Variants in TBX15 observed in about 807,000 individuals in gnomAD.
The protein encoded by TBX15 is T-box transcription factor TBX15.
A neutral mutation model predicts 53.9 loss-of-function variants in TBX15; 18 were observed. That is an observed-to-expected ratio of 0.33 (90% confidence interval 0.23 to 0.49). TBX15 has a LOEUF of 0.49. TBX15 is among the 20% of genes least tolerant of loss of function. The pLI, the probability that TBX15 is intolerant of heterozygous loss-of-function variation, is 0.98. For synonymous variants in TBX15, 295 were observed against 278.0 expected (o/e 1.06, Z -0.61); for missense variants, 692 against 749.5 (o/e 0.92, Z 0.90).
At chr1:118,892,836 C>G (rs1426017005) in intron 7 of TBX15, among the ~76,000 whole-genome samples, 1 of 152,154 alleles carries the variant, frequency 6.6e-6, no homozygotes, top group Non-Finnish European at 1.5e-5. Flanking sequence ...AATGTTAAAG[C>G]TTCAAGGTCA....
intron 1 of TBX15, among the ~76,000 whole-genome samples, chr1:118,949,958 A>G (rs1656464039): frequency 6.6e-6 from 1 of 152,226 alleles, no homozygotes; most frequent in South Asian, 2.1e-4. Context: ...CCATCATCCA[A>G]TCCAGATTCT....
intron 6 of TBX15, among the ~76,000 whole-genome samples, chr1:118,911,581 C>T (rs1344527873): frequency 6.6e-6 from 1 of 152,146 alleles, no homozygotes; most frequent in African/African-American, 2.4e-5. Context: ...CTTCAAGATG[C>T]AACAGTCTAA....
chr1:118,908,731 G>A (rs1033571345), intron 6 of TBX15, among the ~76,000 whole-genome samples: 4 of 151,350 alleles, frequency 2.6e-5, no homozygotes, highest in African/African-American at 9.7e-5. Context: ...GAACACACAC[G>A]TACACCTACT....
intron 6 of TBX15, chr1:118,901,268 GA>G (rs1654621098): frequency 2.3e-6 from 1 of 443,794 alleles, no homozygotes; most frequent in Non-Finnish European, 4.5e-6. Flanking sequence ...CATACATGGT[GA>G]AAGATGGAAG....
chr1:118,974,404 C>T (rs1355079409), intron 1 of TBX15, among the ~76,000 whole-genome samples: 1 of 152,132 alleles, frequency 6.6e-6, no homozygotes, highest in African/African-American at 2.4e-5. Context: ...ACAGACTGTA[C>T]AACTAAACAG....
At chr1:118,940,176 G>T (rs760852738) in intron 1 of TBX15, among the ~76,000 whole-genome samples, 4 of 151,780 alleles carry the variant, frequency 2.6e-5, no homozygotes, top group Non-Finnish European at 4.4e-5. Flanking sequence ...TAAAACTGTC[G>T]GTTTTTTGAG....
In TBX15 at chr1:118,987,906, C is replaced by G; in HGVS notation, c.-111G>C. ...CGGCCCGGGAGAGGCGGAGGCGCGT[C>G]GGACGAGGCTGAGACTGCGGCTCGC... On this transcript the variant is annotated 5_prime_UTR_variant, in exon 1 of 8. Coordinates refer to ENST00000369429, the MANE Select transcript of TBX15 (RefSeq NM_001330677.2). 2 of 1,367,778 alleles carry G rather than the reference C, an allele frequency of 1.5e-6. No individual in the cohort carries two copies. The highest frequency in any genetic ancestry group is 2.0e-6 in the Non-Finnish European group (2 of 1,009,324). The allele number at this position is 1,367,778 out of a possible 1,614,324, so 84.7% of individuals were successfully genotyped here.
chr1:118,957,394 T>G (rs1382917644), intron 1 of TBX15, among the ~76,000 whole-genome samples: 1 of 152,178 alleles, frequency 6.6e-6, no homozygotes, highest in Non-Finnish European at 1.5e-5. Context: ...AGGTGGGCAA[T>G]GCACTGGCCT....
chr1:118,893,577 A>AGGAAGGAAG, intron 7 of TBX15, among the ~76,000 whole-genome samples: 1 of 132,374 alleles, frequency 7.6e-6, no homozygotes, highest in African/African-American at 3.9e-5. Context: ...AAGGAAGGAA[A>AGGAAGGAAG]GAAAGAAAGG....
intron 1 of TBX15, among the ~76,000 whole-genome samples, chr1:118,954,813 A>T (rs1208714898): frequency 6.6e-6 from 1 of 152,222 alleles, no homozygotes; most frequent in Admixed American, 6.5e-5. Flanking sequence ...TGGTATCCAC[A>T]ACTGATGCAC....
Position 118,957,741 on chromosome 1 carries a change from G to A in TBX15, c.206-25909C>T, listed in dbSNP as rs368674301. Among the ~76,000 whole-genome samples, 6 of 152,170 alleles carry A rather than the reference G, an allele frequency of 3.9e-5. No homozygotes were observed. In the South Asian group the frequency reaches 1.0e-3, roughly 26 times the overall value. The stretch of plus-strand genomic sequence containing the variant: ...GCAGTGTTTGGTTTTTTGTCCTCGC[G>A]ATAGTTTGCTGAGAATGATGGTTTC... On this transcript the variant is annotated intron_variant, in intron 1 of 7. Coordinates refer to ENST00000369429, the MANE Select transcript of TBX15 (RefSeq NM_001330677.2).
At chr1:118,987,524 G>C in intron 1 of TBX15, 67 bp downstream of exon 1, 1 of 1,496,576 alleles carries the variant, frequency 6.7e-7, no homozygotes, top group Non-Finnish European at 8.9e-7. Flanking sequence ...CCTCACCCGC[G>C]ACCGGCGACT....
intron 1 of TBX15, among the ~76,000 whole-genome samples, chr1:118,982,273 G>A (rs996670929): frequency 3.3e-5 from 5 of 152,214 alleles, no homozygotes; most frequent in African/African-American, 1.2e-4. Context: ...AGATTTAAGA[G>A]GTAATTGTTT....
At chr1:118,946,905 C>T (rs1656364492) in intron 1 of TBX15, among the ~76,000 whole-genome samples, 1 of 152,186 alleles carries the variant, frequency 6.6e-6, no homozygotes, top group Non-Finnish European at 1.5e-5. Flanking sequence ...CTCTTTTCCC[C>T]TATCTCCCAG....
At chr1:118,889,619 A>G (rs1002445279) in intron 7 of TBX15, among the ~76,000 whole-genome samples, 4 of 152,220 alleles carry the variant, frequency 2.6e-5, no homozygotes, top group Non-Finnish European at 5.9e-5. Context: ...CAAAAAACCC[A>G]GTTCCAATCC....
At chr1:118,906,219 T>C (rs550494067) in intron 6 of TBX15, among the ~76,000 whole-genome samples, 2 of 152,322 alleles carry the variant, frequency 1.3e-5, no homozygotes, top group South Asian at 2.1e-4. Context: ...TTTTGACCTA[T>C]AAATACAGTA....
At chr1:118,894,717 T>A (rs1180463805) in intron 7 of TBX15, among the ~76,000 whole-genome samples, 2 of 152,142 alleles carry the variant, frequency 1.3e-5, no homozygotes, top group Non-Finnish European at 2.9e-5. Context: ...TCCTTCCCCA[T>A]GGAGAGGGCA....
Position 118,926,580 on chromosome 1 carries a change from T to C in TBX15, c.451A>G (p.Thr151Ala). 1.2e-6 allele frequency: 2 copies of C among 1,613,906 alleles called. No homozygotes were observed. Among genetic ancestry groups the C allele is most frequent in the South Asian group, 2.2e-5 (2 of 91,060 alleles). The change falls in exon 3 of 8, where the codon ACT (threonine) becomes GCT (alanine). Residue 151 changes from threonine to alanine, a missense_variant. This residue lies in a region of TBX15 where 307 missense variants were observed against 347.5 expected (regional missense o/e 0.88). Coordinates refer to ENST00000369429, the MANE Select transcript of TBX15 (RefSeq NM_001330677.2). ...RMFPAMRVKITGLDPHQQYYI... is the reference protein window; with the variant it reads ...RMFPAMRVKIAGLDPHQQYYI... ...TACTGCTGATGTGGATCTAGGCCAGTGATTTTCACTCTCATGGCAGGAAAC... is the reference window on the plus strand; with the variant it reads ...TACTGCTGATGTGGATCTAGGCCAGCGATTTTCACTCTCATGGCAGGAAAC...
intron 1 of TBX15, among the ~76,000 whole-genome samples, chr1:118,933,182 CT>C (rs1181301258): frequency 6.6e-6 from 1 of 152,106 alleles, no homozygotes; most frequent in East Asian, 1.9e-4. Flanking sequence ...TTGTCACTGA[CT>C]TTTTTCTCTT....
Sources: allele counts gnomAD v4.1 joint callset (sites outside exome capture counted in the v4.1 genomes callset), GRCh38; gene constraint gnomAD v4.1.1; regional missense constraint gnomAD v4.1.1; transcripts MANE v1.5; gene names NCBI Gene and HGNC (gene_info 2026-07-23, HGNC 2026-07-21).